Variants in HPSE2 observed in about 807,000 individuals in gnomAD.
The protein encoded by HPSE2 is heparanase 2 (inactive).
Under a neutral mutation model 60.5 loss-of-function variants are expected in HPSE2, and 38 were observed. That is an observed-to-expected ratio of 0.63 (90% CI 0.48 to 0.82). HPSE2 has a LOEUF of 0.82. Ranked by LOEUF, HPSE2 falls within the 40% of genes least tolerant of loss-of-function variation. The pLI is 0.00. For synonymous variants in HPSE2, 295 were observed against 293.2 expected (o/e 1.01, Z -0.06); for missense variants, 713 against 740.4 (o/e 0.96, Z 0.43).
chr10:98,619,860 C>G (rs962563285), intron 8 of HPSE2, among the ~76,000 whole-genome samples: 1 of 152,150 alleles, frequency 6.6e-6, no homozygotes, highest in Admixed American at 6.5e-5. Flanking sequence ...TGTCATTTTT[C>G]TTTTGTAGAC....
At chr10:99,061,615 A>G (rs1289838541) in intron 3 of HPSE2, among the ~76,000 whole-genome samples, 4 of 152,216 alleles carry the variant, frequency 2.6e-5, no homozygotes, top group African/African-American at 7.2e-5. Context: ...AATGTTAGCT[A>G]TTGTTAAAGA....
intron 3 of HPSE2, among the ~76,000 whole-genome samples, chr10:98,879,557 T>C (rs942896739): frequency 2.0e-5 from 3 of 151,558 alleles, no homozygotes; most frequent in Admixed American, 1.3e-4. Flanking sequence ...ATTACAGGAA[T>C]TTTGAAGGAT....
intron 3 of HPSE2, among the ~76,000 whole-genome samples, chr10:98,818,659 C>A (rs1951347688): frequency 6.6e-6 from 1 of 152,194 alleles, no homozygotes; most frequent in African/African-American, 2.4e-5. Context: ...TATCCTTTAA[C>A]ATTCCCTAAA....
chr10:98,529,585 T>C (rs1024670796), intron 9 of HPSE2, among the ~76,000 whole-genome samples: 1 of 152,220 alleles, frequency 6.6e-6, no homozygotes, highest in Admixed American at 6.5e-5. Context: ...CTAGTTTCTT[T>C]ATCAAGCTTG....
At chr10:98,727,342 TATAA>T (rs1949112609) in intron 4 of HPSE2, among the ~76,000 whole-genome samples, 1 of 152,122 alleles carries the variant, frequency 6.6e-6, no homozygotes, top group African/African-American at 2.4e-5. Flanking sequence ...GTCAAAGACT[TATAA>T]ATATGTTCAA....
chr10:98,590,409 C>T (rs1188259086), intron 9 of HPSE2, among the ~76,000 whole-genome samples: 1 of 152,246 alleles, frequency 6.6e-6, no homozygotes, highest in Non-Finnish European at 1.5e-5. Flanking sequence ...CACCACTGCA[C>T]TCCAGCCTGG....
chr10:98,935,681 G>A (rs1954768163), intron 3 of HPSE2, among the ~76,000 whole-genome samples: 1 of 144,114 alleles, frequency 6.9e-6, no homozygotes, highest in African/African-American at 2.8e-5. Flanking sequence ...GAGGGGCACT[G>A]ACCTGATGCC....
chr10:98,693,380 G>A lies in HPSE2; in HGVS notation c.1004+520C>T, dbSNP rs1948128667. Among the ~76,000 whole-genome samples, 8 of 152,230 alleles carry A rather than the reference G, an allele frequency of 5.3e-5. No individual in the cohort carries two copies. In the South Asian group the frequency reaches 1.7e-3, roughly 32 times the overall value. On this transcript the variant is annotated intron_variant, in intron 6 of 11. Coordinates refer to ENST00000370552, the MANE Select transcript of HPSE2 (RefSeq NM_021828.5). ...TCCATTGTAAGATTCTTCCTGCAATGTTGGAGTTTATTCCCTTTCTTGAAG... is the reference window on the plus strand; with the variant it reads ...TCCATTGTAAGATTCTTCCTGCAATATTGGAGTTTATTCCCTTTCTTGAAG...
intron 4 of HPSE2, among the ~76,000 whole-genome samples, chr10:98,739,535 T>C (rs934654541): frequency 3.9e-5 from 6 of 152,058 alleles, no homozygotes; most frequent in Non-Finnish European, 7.4e-5. Flanking sequence ...AAAAGCTTAA[T>C]AAATATTGAG....
intron 2 of HPSE2, among the ~76,000 whole-genome samples, chr10:99,175,273 C>T (rs1266109578): frequency 6.6e-6 from 1 of 152,178 alleles, no homozygotes; most frequent in East Asian, 1.9e-4. Flanking sequence ...CGAGACAAAA[C>T]TGTTTACTCC....
chr10:99,234,379 C>G (rs1849770311), intron 1 of HPSE2, among the ~76,000 whole-genome samples: 1 of 152,152 alleles, frequency 6.6e-6, no homozygotes, highest in Admixed American at 6.5e-5. Flanking sequence ...AAGCAAAACT[C>G]GAATTTCGCA....
chr10:99,232,554 A>G, intron 1 of HPSE2, 49 bp from the exon 2 acceptor site: 1 of 1,543,184 alleles, frequency 6.5e-7, no homozygotes, highest in Middle Eastern at 2.3e-4. Context: ...ACAGGACGAG[A>G]GCGCGTGGGG....
intron 3 of HPSE2, among the ~76,000 whole-genome samples, chr10:98,751,675 G>T (rs1949761975): frequency 6.6e-6 from 1 of 152,144 alleles, no homozygotes; most frequent in Non-Finnish European, 1.5e-5. Context: ...CAAGTCACAT[G>T]AACAACAAAA....
chr10:99,075,973 G>C (rs867596261), intron 3 of HPSE2, among the ~76,000 whole-genome samples: 2 of 151,964 alleles, frequency 1.3e-5, no homozygotes, highest in South Asian at 4.2e-4. Context: ...AATTCATTCA[G>C]CCACACTATA....
At chr10:98,893,600 T>C (rs1254544675) in intron 3 of HPSE2, among the ~76,000 whole-genome samples, 1 of 152,102 alleles carries the variant, frequency 6.6e-6, no homozygotes, top group Non-Finnish European at 1.5e-5. Context: ...TGAACACTAC[T>C]TGACCTGCAT....
chr10:98,464,156 A>C (rs888101334), intron 11 of HPSE2, among the ~76,000 whole-genome samples: 5 of 152,200 alleles, frequency 3.3e-5, no homozygotes, highest in African/African-American at 1.2e-4. Context: ...TTTCAAAAGT[A>C]AATGCTAGTC....
At chr10:99,234,320 C>T (rs1316586520) in intron 1 of HPSE2, among the ~76,000 whole-genome samples, 1 of 152,314 alleles carries the variant, frequency 6.6e-6, no homozygotes, top group East Asian at 1.9e-4. Context: ...CAGACCCGAC[C>T]CGGGCCAGGG....
chr10:99,232,459 G>T lies in HPSE2; in HGVS notation c.337C>A (p.Leu113Met). ...TCGGTCCTTTTGCCCCCGAAGCGCA[G>T]AAAGGCGGGCGAAAGTCCCCGGGCC... ...TLARGLSPAF[L>M]RFGGKRTDFL... Residue 113 changes from leucine to methionine, a missense_variant, in exon 2 of 12, where the codon CTG becomes ATG. Physicochemically the swap from Leu to Met is conservative, Grantham distance 15. Coordinates refer to ENST00000370552, the MANE Select transcript of HPSE2 (RefSeq NM_021828.5). The T allele has an allele frequency of 6.4e-7, 1 of 1,558,528 alleles. No individual in the cohort carries two copies. Among genetic ancestry groups the T allele is most frequent in the Non-Finnish European group, 8.7e-7 (1 of 1,151,048 alleles).
At chr10:99,250,839 C>G in the HPSE2 span, among the ~76,000 whole-genome samples, 2 of 151,932 alleles carry the variant, frequency 1.3e-5, no homozygotes, top group East Asian at 3.8e-4. Flanking sequence ...TAGCAAAATC[C>G]CTGAGTTGTA....
Sources: allele counts gnomAD v4.1 joint callset (sites outside exome capture counted in the v4.1 genomes callset), GRCh38; gene constraint gnomAD v4.1.1; transcripts MANE v1.5; gene names NCBI Gene and HGNC (gene_info 2026-07-23, HGNC 2026-07-21).